The following BABAM2 variants were observed in gnomAD, a reference collection of about 807,000 sequenced individuals.
BABAM2 encodes the protein BRISC and BRCA1-A complex member 2.
A neutral mutation model predicts 54.7 loss-of-function variants in BABAM2; 31 were observed. The observed-to-expected ratio is 0.57, with a 90% CI of 0.43 to 0.77. The LOEUF (loss-of-function observed/expected upper bound fraction) is 0.77, where lower values mean the gene tolerates loss of function less well. Ranked by LOEUF, BABAM2 falls within the 30% of genes least tolerant of loss-of-function variation. The probability of loss-of-function intolerance (pLI) is 0.00; values close to 1 mark genes in which losing one functional copy is unlikely to be tolerated. For missense variants in BABAM2, 364 were observed against 455.8 expected (o/e 0.80, Z 1.83); for synonymous variants, 167 against 162.9 (o/e 1.03, Z -0.19).
At chr2:28,219,150 C>CT (rs1392670190) in intron 7 of BABAM2, among the ~76,000 whole-genome samples, 10 of 152,244 alleles carry the variant, frequency 6.6e-5, no homozygotes, top group African/African-American at 2.4e-4. Context: ...GCATTCCTTT[C>CT]TGGAGACTCT....
intron 10 of BABAM2, among the ~76,000 whole-genome samples, chr2:28,269,908 G>A (rs750430484): frequency 4.0e-5 from 6 of 151,436 alleles, no homozygotes; most frequent in Non-Finnish European, 8.8e-5. Context: ...TTGACTGATA[G>A]TACTTAGTAG....
intron 11 of BABAM2, among the ~76,000 whole-genome samples, chr2:28,335,931 G>C (rs1054783244): frequency 6.6e-6 from 1 of 152,222 alleles, no homozygotes; most frequent in Non-Finnish European, 1.5e-5. Context: ...TCTCTGAGGA[G>C]AGGATCCTTC....
intron 4 of BABAM2, among the ~76,000 whole-genome samples, chr2:28,002,174 C>T (rs528542338): frequency 1.4e-4 from 22 of 152,206 alleles, no homozygotes; most frequent in African/African-American, 5.3e-4. Flanking sequence ...GGGCTTTGCT[C>T]TGCCTTCTGC....
chr2:28,043,978 C>A (rs1243907335), intron 5 of BABAM2, among the ~76,000 whole-genome samples: 1 of 152,228 alleles, frequency 6.6e-6, no homozygotes, highest in Non-Finnish European at 1.5e-5. Flanking sequence ...TTCTATCACT[C>A]TCTCTGGCTT....
intron 7 of BABAM2, among the ~76,000 whole-genome samples, chr2:28,149,134 A>G (rs1671784429): frequency 6.6e-6 from 1 of 152,218 alleles, no homozygotes; most frequent in African/African-American, 2.4e-5. Flanking sequence ...TAACAGCATT[A>G]TTACTGTAGT....
chr2:28,008,584 C>T (rs759895855), intron 4 of BABAM2, among the ~76,000 whole-genome samples: 17 of 152,040 alleles, frequency 1.1e-4, no homozygotes, highest in East Asian at 3.9e-4. Context: ...GCAAATGCTC[C>T]GTAATTCCTT....
intron 5 of BABAM2, among the ~76,000 whole-genome samples, chr2:28,042,086 T>C (rs1335346393): frequency 6.6e-6 from 1 of 152,122 alleles, no homozygotes; most frequent in Non-Finnish European, 1.5e-5. Flanking sequence ...ACTTTGAATG[T>C]GAGGTGAGAG....
At chr2:28,160,784 G>T (rs992580510) in intron 7 of BABAM2, among the ~76,000 whole-genome samples, 2 of 147,892 alleles carry the variant, frequency 1.4e-5, no homozygotes, top group Non-Finnish European at 3.0e-5. Flanking sequence ...GGATGAAATA[G>T]TGAGTGTGGG....
intron 7 of BABAM2, among the ~76,000 whole-genome samples, chr2:28,179,431 G>A (rs7608853): frequency 0.99 from 150,735 of 152,324 alleles, 74,607 homozygotes; most frequent in Middle Eastern, 1. Flanking sequence ...AAAACTCGAC[G>A]TTCCTTGGTG....
At chr2:28,222,000 C>A (rs1680463196) in intron 7 of BABAM2, among the ~76,000 whole-genome samples, 1 of 152,148 alleles carries the variant, frequency 6.6e-6, no homozygotes, top group South Asian at 2.1e-4. Flanking sequence ...CTGAGTTAGC[C>A]CCAGACTGTA....
intron 4 of BABAM2, chr2:28,016,423 C>A: frequency 7.1e-7 from 1 of 1,405,720 alleles, no homozygotes; most frequent in Non-Finnish European, 1.0e-6. Context: ...GGATTGGACC[C>A]CTTGATCTCG....
chr2:27,934,231 A>T (rs1668326451), intron 3 of BABAM2, among the ~76,000 whole-genome samples: 1 of 152,034 alleles, frequency 6.6e-6, no homozygotes. Flanking sequence ...AAACTTAAAA[A>T]TTTTTGCTTT....
At chr2:27,997,528 G>T (rs368574663) in intron 4 of BABAM2, among the ~76,000 whole-genome samples, 2 of 152,086 alleles carry the variant, frequency 1.3e-5, no homozygotes, top group African/African-American at 2.4e-5. Flanking sequence ...TTTTCTAAAG[G>T]TGTTGCTATT....
intron 6 of BABAM2, among the ~76,000 whole-genome samples, chr2:28,061,584 C>CA (rs397871191): frequency 0.15 from 7,918 of 53,202 alleles, 429 homozygotes; most frequent in African/African-American, 0.18. Context: ...GACTCTGTCT[C>CA]AAAAAAAAAA....
At chr2:28,065,153 C>T (rs35456421) in intron 6 of BABAM2, among the ~76,000 whole-genome samples, 10,027 of 152,166 alleles carry the variant, frequency 0.066, 500 homozygotes, top group Non-Finnish European at 0.1. Context: ...ATAAAGCTAT[C>T]CCAAATTAAA....
intron 7 of BABAM2, among the ~76,000 whole-genome samples, chr2:28,171,063 A>G (rs1674265691): frequency 6.6e-6 from 1 of 151,894 alleles, no homozygotes; most frequent in African/African-American, 2.4e-5. Flanking sequence ...CCTTTCTGTC[A>G]TTTGGATGGT....
At chr2:28,313,051 G>A (rs1013051735) in intron 11 of BABAM2, among the ~76,000 whole-genome samples, 2 of 152,168 alleles carry the variant, frequency 1.3e-5, no homozygotes, top group Non-Finnish European at 2.9e-5. Context: ...TCAAGGGCAG[G>A]AGTTTAGCCT....
intron 4 of BABAM2, among the ~76,000 whole-genome samples, chr2:28,002,277 G>A (rs867454240): frequency 1.6e-4 from 24 of 152,208 alleles, no homozygotes; most frequent in South Asian, 1.2e-3. Context: ...AGAAAGTCTG[G>A]TATCACAAAG....
At chr2:28,198,267 C>T (rs1677841189) in intron 7 of BABAM2, among the ~76,000 whole-genome samples, 1 of 151,886 alleles carries the variant, frequency 6.6e-6, no homozygotes, top group Non-Finnish European at 1.5e-5. Flanking sequence ...GGGTTCACGC[C>T]ATTTTCCTGC....
Sources: allele counts gnomAD v4.1 joint callset (sites outside exome capture counted in the v4.1 genomes callset), GRCh38; gene constraint gnomAD v4.1.1; transcripts MANE v1.5; gene names NCBI Gene and HGNC (gene_info 2026-07-23, HGNC 2026-07-21).